CWC22: variants seen among roughly 807,000 people sequenced by gnomAD.
CWC22 encodes pre-mRNA-splicing factor CWC22 homolog.
CWC22 carries 53 observed loss-of-function variants against 117.2 expected under a neutral mutation model. The observed-to-expected ratio is 0.45, with a 90% CI of 0.36 to 0.57. CWC22 has a LOEUF of 0.57. Among genes scored for constraint, CWC22 ranks in the 20% least tolerant of loss-of-function variants. CWC22 has a pLI of 0.00. For missense variants in CWC22, 980 were observed against 1,068.8 expected, an observed-to-expected ratio of 0.92 and a Z score of 1.16; for synonymous variants, 360 against 355.6, an observed-to-expected ratio of 1.01 and a Z score of -0.14.
chr2:179,948,054 A>C (rs1162549279), intron 19 of CWC22, among the ~76,000 whole-genome samples: 2 of 152,228 alleles, frequency 1.3e-5, no homozygotes. Context: ...TAGCATTTCC[A>C]CTTCCAGGTA....
In CWC22 at chr2:179,988,688, G is replaced by A. The variant is rs755847984; in HGVS notation, c.28-44C>T. Reference sequence around the variant, plus strand: ...GGAAAACATTTCAAAAATTATTTATGTTAATAACACAGACTGAAATACATG... The same window carrying A: ...GGAAAACATTTCAAAAATTATTTATATTAATAACACAGACTGAAATACATG... On this transcript the variant is annotated intron_variant, in intron 2 of 19. Coordinates refer to ENST00000410053, the MANE Select transcript of CWC22 (RefSeq NM_020943.3). 18 of 1,053,090 alleles carry A rather than the reference G, an allele frequency of 1.7e-5. No individual in the cohort carries two copies. In the South Asian group the frequency reaches 2.7e-4, roughly 16 times the overall value. The allele number at this position is 1,053,090 out of a possible 1,614,324, so 65.2% of individuals were successfully genotyped here. A position where few individuals can be genotyped will look rare whatever the true frequency, so the allele number is the denominator to read the frequency against.
rs143886600 is a variant in CWC22 at position 179,979,862 on chromosome 2, G to A, written c.453-1544C>T. On this transcript the variant is annotated intron_variant, in intron 5 of 19. Transcript: ENST00000410053. ...ACCTATCTTATTAAACTAATCAAAC[G>A]GCTACATCAAATACAATTATACATC... 2.6e-3 allele frequency among the ~76,000 whole-genome samples: 389 copies of A among 152,086 alleles called. 1 individual carries two copies. Among genetic ancestry groups the A allele is most frequent in the African/African-American group, 9.1e-3 (378 of 41,476 alleles).
rs571134284 is a variant in CWC22, at chr2:179,987,692, C to T, written c.95+885G>A. On this transcript the variant is annotated intron_variant, in intron 3 of 19. Transcript: ENST00000410053. ...AAAGTTTGAAGGGTGCTTCTTCCTT[C>T]ATAAATTATTTTTAATGGGCATAAA... Among the ~76,000 whole-genome samples, 29 of 150,934 alleles carry T rather than the reference C, an allele frequency of 1.9e-4. No individual in the cohort carries two copies. The South Asian group carries it at 6.1e-3, about 31-fold the overall frequency.
At chr2:179,975,342 G>T (rs543882188) in intron 6 of CWC22, among the ~76,000 whole-genome samples, 1 of 152,052 alleles carries the variant, frequency 6.6e-6, no homozygotes. Flanking sequence ...TATACTCAAC[G>T]GTGACAAGCT....
chr2:179,954,478 T>C (rs1200190512), intron 15 of CWC22, 121 bp from the exon 16 acceptor site: 2 of 609,714 alleles, frequency 3.3e-6, no homozygotes, highest in Non-Finnish European at 5.5e-6. Flanking sequence ...AAAGAGCATA[T>C]ATCACTAAAT....
intron 13 of CWC22, among the ~76,000 whole-genome samples, chr2:179,962,278 T>C (rs1010183816): frequency 6.6e-6 from 1 of 152,170 alleles, no homozygotes; most frequent in Non-Finnish European, 1.5e-5. Context: ...CACAGTTCAG[T>C]TGCCAGAACT....
intron 13 of CWC22, among the ~76,000 whole-genome samples, chr2:179,963,487 C>T (rs1248845283): frequency 3.3e-5 from 5 of 150,246 alleles, no homozygotes; most frequent in African/African-American, 1.2e-4. Flanking sequence ...GGACTACAGG[C>T]GCCCGCTACC....
Position 179,950,578 on chromosome 2 carries a change from T to C in CWC22, c.2074A>G (p.Ser692Gly), listed in dbSNP as rs1236323380. The C allele has an allele frequency of 1.2e-6, 2 of 1,613,448 alleles. No homozygotes were observed. Among genetic ancestry groups the C allele is most frequent in the Admixed American group, 1.7e-5 (1 of 59,942 alleles). The change falls in exon 19 of 20, where the codon AGC becomes GGC. Residue 692 changes from serine (S) to glycine (G), a missense_variant. Coordinates refer to ENST00000410053, the MANE Select transcript of CWC22 (RefSeq NM_020943.3). ...TCTTCACTGGAAGACTCTGAACTGC[T>C]ATCACTGCTGTCAGAATCAGAGTCG... ...SSDSDSDSSD[S>G]SSESSSEESD...
rs1223125442 is a variant in CWC22, at chr2:179,973,685, G to T, written c.699C>A (p.Ile233=). 1 of 1,610,556 alleles carries T rather than the reference G, an allele frequency of 6.2e-7. No homozygotes were observed. Among genetic ancestry groups the T allele is most frequent in the African/African-American group, 1.3e-5 (1 of 74,898 alleles). ...NSKFPQIGEL[I]LKRLILNFRK... is the part of the protein sequence containing the mutation. The stretch of plus-strand genomic sequence containing the variant: ...GAAAATTAAGAATTAACCTTTTGAG[G>T]ATTAATTCTCCAATTTGTGGAAATT... The change falls in exon 7 of 20, where the codon ATC becomes ATA. Residue 233 remains isoleucine, a synonymous_variant. Transcript: ENST00000410053.
intron 19 of CWC22, among the ~76,000 whole-genome samples, chr2:179,948,893 C>T (rs970970649): frequency 3.3e-5 from 5 of 152,196 alleles, no homozygotes; most frequent in African/African-American, 1.2e-4. Context: ...GTCAATAATG[C>T]TGTTCCAATG....
At chr2:179,957,585 G>A (rs533001081) in intron 14 of CWC22, among the ~76,000 whole-genome samples, 1 of 152,218 alleles carries the variant, frequency 6.6e-6, no homozygotes, top group Non-Finnish European at 1.5e-5. Flanking sequence ...GCCAACCTCT[G>A]TAACACATAA....
At chr2:179,986,556 A>G (rs1361427627) in intron 4 of CWC22, 139 bp downstream of exon 4, 1 of 522,584 alleles carries the variant, frequency 1.9e-6, no homozygotes, top group African/African-American at 2.0e-5. Flanking sequence ...ATTCATATAA[A>G]GCCCTTATTA....
In CWC22 at chr2:179,954,365, A is replaced by G; in HGVS notation, c.1537-8T>C. ...CTTTAGCATGCAAAATCGCTAATAA[A>G]TAAAAAATCAGTACCATTAAAAATT... is the stretch of plus-strand genomic sequence containing the variant. On this transcript the variant is annotated splice_polypyrimidine_tract_variant and splice_region_variant and intron_variant, in intron 15 of 19. Transcript: ENST00000410053. The G allele has an allele frequency of 6.5e-7, 1 of 1,536,488 alleles. No homozygotes were observed. Among genetic ancestry groups the G allele is most frequent in the East Asian group, 2.3e-5 (1 of 43,830 alleles).
chr2:179,957,983 T>C (rs1200953418), intron 14 of CWC22, among the ~76,000 whole-genome samples: 1 of 152,094 alleles, frequency 6.6e-6, no homozygotes, highest in Admixed American at 6.5e-5. Flanking sequence ...GATGGAGCTA[T>C]CTTGTGGTGT....
chr2:179,966,823 A>G (rs902506855), intron 11 of CWC22, among the ~76,000 whole-genome samples: 1 of 152,212 alleles, frequency 6.6e-6, no homozygotes, highest in African/African-American at 2.4e-5. Flanking sequence ...TTTTTAATAC[A>G]AAGTTCTGGG....
chr2:179,968,090 T>C (rs929877432), intron 11 of CWC22, among the ~76,000 whole-genome samples: 8 of 152,244 alleles, frequency 5.3e-5, no homozygotes, highest in Admixed American at 2.0e-4. Flanking sequence ...TATATCAACA[T>C]GTTAATTTGA....
At position 179,944,987 on chromosome 2, in the gene CWC22, C is replaced by T; in HGVS notation, c.*142G>A. 3.4e-6 allele frequency: 2 copies of T among 593,662 alleles called. No homozygotes were observed. Among genetic ancestry groups the T allele is most frequent in the Non-Finnish European group, 5.5e-6 (2 of 362,092 alleles). The allele number at this position is 593,662 out of a possible 1,614,324, so 36.8% of individuals were successfully genotyped here. A position where few individuals can be genotyped will look rare whatever the true frequency, so the allele number is the denominator to read the frequency against. On this transcript the variant is annotated 3_prime_UTR_variant, in exon 20 of 20. Transcript: ENST00000410053. Reference sequence around the variant, plus strand: ...GCCTTGAGATGTATCAATTATAAAACATGTTAAAATGAAAACATTTTTTAA... The same window carrying T: ...GCCTTGAGATGTATCAATTATAAAATATGTTAAAATGAAAACATTTTTTAA...
chr2:179,985,260 A>G (rs1043801848), intron 4 of CWC22, among the ~76,000 whole-genome samples: 2 of 152,086 alleles, frequency 1.3e-5, no homozygotes. Context: ...AATTGTCTGC[A>G]TCACTACTCC....
At chr2:179,969,216 T>C (rs62181960) in intron 11 of CWC22, among the ~76,000 whole-genome samples, 1,667 of 152,204 alleles carry the variant, frequency 0.011, 19 homozygotes, top group Non-Finnish European at 0.018. Context: ...ACAAAAAACA[T>C]TTGGCATTTT....
Sources: gnomAD v4.1 joint callset for allele counts (sites outside exome capture counted in the v4.1 genomes callset) on GRCh38, gnomAD v4.1.1 for gene constraint, MANE v1.5 for transcripts, NCBI Gene and HGNC (gene_info 2026-07-23, HGNC 2026-07-21) for gene names.